PIK3C2G: variants seen among roughly 807,000 people sequenced by gnomAD.
The protein encoded by PIK3C2G is phosphatidylinositol-4-phosphate 3-kinase catalytic subunit type 2 gamma.
Under a neutral mutation model 181.1 loss-of-function variants are expected in PIK3C2G, and 168 were observed. The ratio of observed to expected loss-of-function variants is 0.93; its 90% CI spans 0.82 to 1.05. The LOEUF (loss-of-function observed/expected upper bound fraction) is 1.05. PIK3C2G is among the 50% of genes least tolerant of loss of function. PIK3C2G has a pLI of 0.00. For synonymous variants in PIK3C2G, 573 were observed against 592.2 expected, an observed-to-expected ratio of 0.97 and a Z score of 0.47; for missense variants, 1,869 against 1,732.8, an observed-to-expected ratio of 1.08 and a Z score of -1.40.
intron 1 of PIK3C2G, among the ~76,000 whole-genome samples, chr12:18,270,210 C>T (rs559948967): frequency 2.3e-4 from 35 of 151,980 alleles, no homozygotes; most frequent in Middle Eastern, 3.4e-3. Flanking sequence ...GCGCACAGCC[C>T]GACAAGTTTT....
At chr12:18,413,516 T>C (rs1413143392) in intron 16 of PIK3C2G, among the ~76,000 whole-genome samples, 1 of 152,130 alleles carries the variant, frequency 6.6e-6, no homozygotes, top group African/African-American at 2.4e-5. Context: ...TTATTGACCT[T>C]TATCTTTTTT....
chr12:18,276,412 G>A (rs1338964539), intron 1 of PIK3C2G, among the ~76,000 whole-genome samples: 1 of 152,148 alleles, frequency 6.6e-6, no homozygotes, highest in African/African-American at 2.4e-5. Context: ...TATATTTAAG[G>A]TTGAAAATGT....
intron 18 of PIK3C2G, among the ~76,000 whole-genome samples, chr12:18,464,741 CT>C (rs1053189466): frequency 2.0e-5 from 3 of 151,990 alleles, no homozygotes; most frequent in Non-Finnish European, 2.9e-5. Context: ...GCAAAATTAT[CT>C]TGACATTCAC....
chr12:18,431,537 A>T (rs1156715949), intron 18 of PIK3C2G, among the ~76,000 whole-genome samples: 2 of 152,180 alleles, frequency 1.3e-5, no homozygotes, highest in African/African-American at 4.8e-5. Flanking sequence ...AATACTGATA[A>T]AGGCTTACAA....
At chr12:18,349,970 T>C (rs1319131060) in intron 11 of PIK3C2G, among the ~76,000 whole-genome samples, 1 of 152,178 alleles carries the variant, frequency 6.6e-6, no homozygotes, top group Non-Finnish European at 1.5e-5. Flanking sequence ...TACATGGGTC[T>C]CGACAGCAGG....
intron 18 of PIK3C2G, among the ~76,000 whole-genome samples, chr12:18,441,672 T>C (rs1461253809): frequency 1.3e-5 from 2 of 152,258 alleles, no homozygotes; most frequent in Non-Finnish European, 2.9e-5. Flanking sequence ...CTCATGACTG[T>C]GTCTGGGCCT....
chr12:18,411,287 T>C (rs772386050), intron 16 of PIK3C2G, among the ~76,000 whole-genome samples: 13 of 152,086 alleles, frequency 8.5e-5, no homozygotes, highest in Non-Finnish European at 1.8e-4. Context: ...TGGCCTAGTG[T>C]TTTGGATATC....
At chr12:18,602,500 C>T (rs529471924) in intron 30 of PIK3C2G, among the ~76,000 whole-genome samples, 7 of 151,816 alleles carry the variant, frequency 4.6e-5, no homozygotes, top group Non-Finnish European at 1.0e-4. Context: ...GGACCCCGCC[C>T]ACTGCTGGTC....
intron 30 of PIK3C2G, among the ~76,000 whole-genome samples, chr12:18,599,554 C>T (rs1050323023): frequency 7.3e-5 from 11 of 151,632 alleles, no homozygotes; most frequent in Non-Finnish European, 1.2e-4. Context: ...TGCTAGATGA[C>T]GAGTTAGTGG....
intron 1 of PIK3C2G, among the ~76,000 whole-genome samples, chr12:18,273,037 CAGAG>C (rs951072767): frequency 2.3e-4 from 30 of 133,274 alleles, no homozygotes; most frequent in African/African-American, 6.9e-4. Flanking sequence ...CACACACACA[CAGAG>C]ATAGAGAGAG....
At chr12:18,474,135 G>A (rs993173183) in intron 18 of PIK3C2G, among the ~76,000 whole-genome samples, 1 of 151,984 alleles carries the variant, frequency 6.6e-6, no homozygotes, top group South Asian at 2.1e-4. Context: ...ACATTCACTA[G>A]GTACTGTTCT....
chr12:18,354,340 G>T (rs1940507072), intron 11 of PIK3C2G, among the ~76,000 whole-genome samples: 1 of 152,198 alleles, frequency 6.6e-6, no homozygotes, highest in East Asian at 1.9e-4. Context: ...TTTCTAGGAG[G>T]GGGCAAGCTG....
At chr12:18,385,223 G>A (rs966711147) in intron 14 of PIK3C2G, among the ~76,000 whole-genome samples, 5 of 152,042 alleles carry the variant, frequency 3.3e-5, no homozygotes, top group Non-Finnish European at 4.4e-5. Flanking sequence ...TCACTTTTCC[G>A]ATTGTCCTCA....
chr12:18,560,679 A>G (rs1945298641), intron 26 of PIK3C2G, among the ~76,000 whole-genome samples: 1 of 152,110 alleles, frequency 6.6e-6, no homozygotes, highest in Admixed American at 6.5e-5. Context: ...AAAATGAAAT[A>G]ATATATAAAA....
chr12:18,412,754 T>C (rs1230713562), intron 16 of PIK3C2G, among the ~76,000 whole-genome samples: 7 of 152,310 alleles, frequency 4.6e-5, no homozygotes, highest in African/African-American at 1.4e-4. Flanking sequence ...TTTTTAAGAA[T>C]GTAAAAATGT....
chr12:18,569,818 C>T (rs1172430541), intron 29 of PIK3C2G, among the ~76,000 whole-genome samples: 1 of 152,098 alleles, frequency 6.6e-6, no homozygotes, highest in East Asian at 1.9e-4. Flanking sequence ...TTTCCTGTTG[C>T]TATTGAGCTT....
At chr12:18,704,957 A>ATG in the PIK3C2G span, among the ~76,000 whole-genome samples, 1 of 152,112 alleles carries the variant, frequency 6.6e-6, no homozygotes, top group Non-Finnish European at 1.5e-5. Context: ...TGTGGGTTGT[A>ATG]TGTATATATA....
the PIK3C2G span, among the ~76,000 whole-genome samples, chr12:18,680,490 A>G: frequency 6.6e-6 from 1 of 152,148 alleles, no homozygotes; most frequent in Non-Finnish European, 1.5e-5. Flanking sequence ...ATTTACCTCC[A>G]GTGACCATCA....
chr12:18,496,178 G>A (rs555411654), intron 21 of PIK3C2G, 24 bp downstream of exon 21: 362 of 1,300,254 alleles, frequency 2.8e-4, no homozygotes, highest in Admixed American at 3.5e-4. Context: ...CTTAAAACAT[G>A]AATTGATTCC....
Sources: allele counts gnomAD v4.1 joint callset (sites outside exome capture counted in the v4.1 genomes callset), GRCh38; gene constraint gnomAD v4.1.1; transcripts MANE v1.5; gene names NCBI Gene and HGNC (gene_info 2026-07-23, HGNC 2026-07-21).